UBE2E3: variants seen among roughly 807,000 people sequenced by gnomAD.
The protein encoded by UBE2E3 is ubiquitin-conjugating enzyme E2 E3.
Under a neutral mutation model 23.6 loss-of-function variants are expected in UBE2E3, and 5 were observed. That is an observed-to-expected ratio of 0.21 (90% confidence interval 0.11 to 0.44). UBE2E3 has a LOEUF of 0.44. Among genes scored for constraint, UBE2E3 ranks in the 20% least tolerant of loss-of-function variants. UBE2E3 has a pLI of 0.99. For missense variants in UBE2E3, 81 were observed against 249.8 expected (o/e 0.32, Z 4.55); for synonymous variants, 78 against 87.5 (o/e 0.89, Z 0.60).
chr2:180,981,916 T>G, intron 1 of UBE2E3, 102 bp from the exon 2 acceptor site: 1 of 877,016 alleles, frequency 1.1e-6, no homozygotes, highest in East Asian at 2.6e-5. Context: ...CTTTTGAAGC[T>G]TTTTCATTAC....
intron 4 of UBE2E3, among the ~76,000 whole-genome samples, chr2:181,059,928 A>G (rs2368191): frequency 0.23 from 35,036 of 151,276 alleles, 4,398 homozygotes; most frequent in Non-Finnish European, 0.28. Flanking sequence ...GGCAACTCCA[A>G]TTATGAATTA....
At chr2:181,057,404 C>A (rs1009678383) in intron 3 of UBE2E3, among the ~76,000 whole-genome samples, 33 of 151,766 alleles carry the variant, frequency 2.2e-4, no homozygotes, top group Non-Finnish European at 4.4e-4. Context: ...GTGTGTGTTT[C>A]GGGAGAGAGA....
chr2:181,003,442 A>T (rs1474531967), intron 3 of UBE2E3, among the ~76,000 whole-genome samples: 1 of 149,586 alleles, frequency 6.7e-6, no homozygotes, highest in East Asian at 1.9e-4. Flanking sequence ...CAAATTATTT[A>T]TGTCTACTTT....
At chr2:181,012,952 C>T (rs2105610787) in intron 3 of UBE2E3, among the ~76,000 whole-genome samples, 1 of 152,214 alleles carries the variant, frequency 6.6e-6, no homozygotes, top group South Asian at 2.1e-4. Flanking sequence ...TGTCCACTCC[C>T]ATATAGTCCT....
intron 3 of UBE2E3, among the ~76,000 whole-genome samples, chr2:181,008,371 A>T (rs2105603518): frequency 6.6e-6 from 1 of 152,334 alleles, no homozygotes; most frequent in South Asian, 2.1e-4. Context: ...TCTTCCGAGG[A>T]TCACATGGTT....
chr2:180,988,218 TA>T lies in UBE2E3; in HGVS notation c.245+4126del, dbSNP rs1394540524. Among the ~76,000 whole-genome samples the T allele has an allele frequency of 3.9e-5, 6 of 152,164 alleles. No individual in the cohort carries two copies. In the East Asian group the frequency reaches 9.6e-4, roughly 24 times the overall value. ...AAAATGGGAGAGACAGTGTAGCCTG[TA>T]GTGATGTGCTCTCACTGTTGCTGGC... is the stretch of plus-strand genomic sequence containing the variant. On this transcript the variant is annotated intron_variant, in intron 3 of 5. Coordinates refer to ENST00000410062, the MANE Select transcript of UBE2E3 (RefSeq NM_006357.4).
intron 3 of UBE2E3, chr2:180,987,373 C>G (rs1000284460): frequency 9.0e-6 from 14 of 1,549,908 alleles, no homozygotes; most frequent in Non-Finnish European, 1.2e-5. Flanking sequence ...ACCACTTGTG[C>G]AAACAGCGAA....
At chr2:180,988,547 T>C (rs540319566) in intron 3 of UBE2E3, among the ~76,000 whole-genome samples, 1 of 152,284 alleles carries the variant, frequency 6.6e-6, no homozygotes, top group Non-Finnish European at 1.5e-5. Flanking sequence ...CCTTTTAAAA[T>C]AGAAGAATTT....
At chr2:181,059,575 G>T (rs1056715633) in intron 4 of UBE2E3, among the ~76,000 whole-genome samples, 3 of 151,638 alleles carry the variant, frequency 2.0e-5, no homozygotes, top group Non-Finnish European at 4.4e-5. Flanking sequence ...ATCCGTGTAA[G>T]AGTATTGTTA....
intron 3 of UBE2E3, among the ~76,000 whole-genome samples, chr2:181,044,390 A>G (rs1273445108): frequency 6.6e-6 from 1 of 152,170 alleles, no homozygotes; most frequent in East Asian, 1.9e-4. Context: ...TATCTATGGC[A>G]CTATGTATGG....
intron 3 of UBE2E3, among the ~76,000 whole-genome samples, chr2:181,045,696 G>A (rs1169854143): frequency 2.0e-5 from 3 of 152,030 alleles, no homozygotes; most frequent in African/African-American, 4.8e-5. Flanking sequence ...GCCAAGGTTG[G>A]GACCCATGGT....
chr2:181,061,618 C>A (rs1490036992), intron 5 of UBE2E3, among the ~76,000 whole-genome samples: 1 of 150,206 alleles, frequency 6.7e-6, no homozygotes, highest in Non-Finnish European at 1.5e-5. Context: ...GAGAATTGAA[C>A]TAGATTATGA....
chr2:180,980,787 G>C lies in UBE2E3; in HGVS notation c.-212G>C, dbSNP rs1199698512. On this transcript the variant is annotated 5_prime_UTR_variant, in exon 1 of 6. Transcript: ENST00000410062. The surrounding 1 kb of genome is among the most constrained non-coding windows in gnomAD (Gnocchi z 5.5). ...CGGCGCCACCCTCCGGCCGGAGCCC[G>C]GCACTGCACAACCCCCTCCGACTTT... 6.7e-6 allele frequency: 1 copy of C among 148,914 alleles called. No individual in the cohort carries two copies. The highest frequency in any genetic ancestry group is 2.4e-5 in the African/African-American group (1 of 41,084). The allele number at this position is 148,914 out of a possible 1,614,324, so 9.2% of individuals were successfully genotyped here. A position where few individuals can be genotyped will look rare whatever the true frequency, so the allele number is the denominator to read the frequency against.
At chr2:181,053,996 T>TTC (rs2105476326) in intron 3 of UBE2E3, among the ~76,000 whole-genome samples, 1 of 151,956 alleles carries the variant, frequency 6.6e-6, no homozygotes, top group South Asian at 2.1e-4. Flanking sequence ...GCATTTAAGT[T>TTC]TCATCCATAT....
At chr2:181,049,542 A>C (rs1686765792) in intron 3 of UBE2E3, among the ~76,000 whole-genome samples, 1 of 152,090 alleles carries the variant, frequency 6.6e-6, no homozygotes, top group African/African-American at 2.4e-5. Context: ...TCTTATGATT[A>C]TACACAATAG....
chr2:180,991,290 G>A (rs1277316587), intron 3 of UBE2E3, among the ~76,000 whole-genome samples: 7 of 151,996 alleles, frequency 4.6e-5, no homozygotes, highest in African/African-American at 1.7e-4. Flanking sequence ...AGATAGTATT[G>A]ATTATATACT....
intron 3 of UBE2E3, among the ~76,000 whole-genome samples, chr2:180,984,571 A>G (rs1393153175): frequency 6.6e-6 from 1 of 152,208 alleles, no homozygotes; most frequent in Non-Finnish European, 1.5e-5. Context: ...GACAAATTTT[A>G]TGGGCTAAGC....
intron 3 of UBE2E3, among the ~76,000 whole-genome samples, chr2:181,003,288 G>T (rs1050043266): frequency 6.6e-6 from 1 of 152,168 alleles, no homozygotes; most frequent in Admixed American, 6.5e-5. Flanking sequence ...GCAAACATGA[G>T]CTAATAATGT....
In UBE2E3 at chr2:181,038,248, T is replaced by C. The variant is rs113359387; in HGVS notation, c.246-19445T>C. 1.1e-4 allele frequency among the ~76,000 whole-genome samples: 16 copies of C among 152,304 alleles called. 1 individual carries two copies. Among genetic ancestry groups the C allele is most frequent in the African/African-American group, 3.9e-4 (16 of 41,552 alleles). On this transcript the variant is annotated intron_variant, in intron 3 of 5. Transcript: ENST00000410062. Reference sequence around the variant, plus strand: ...GTTTAGATACACAAATCACATTGTTTTACAGTTGCCTACAGTATTCTATAT... The same window carrying C: ...GTTTAGATACACAAATCACATTGTTCTACAGTTGCCTACAGTATTCTATAT...
Sources: gnomAD v4.1 joint callset for allele counts (sites outside exome capture counted in the v4.1 genomes callset) on GRCh38, gnomAD v4.1.1 for gene constraint, Gnocchi (gnomAD v3.1) non-coding constraint, MANE v1.5 for transcripts, NCBI Gene and HGNC (gene_info 2026-07-23, HGNC 2026-07-21) for gene names.